Variants in PHF8 observed in about 807,000 individuals in gnomAD.
PHF8 encodes histone lysine demethylase PHF8.
PHF8 carries 9 observed loss-of-function variants against 74.4 expected under a neutral mutation model. The observed-to-expected ratio is 0.12, with a 90% CI of 0.07 to 0.21. The LOEUF is 0.21. Among genes scored for constraint, PHF8 ranks in the 10% least tolerant of loss-of-function variants. The probability of loss-of-function intolerance (pLI) is 1.00; values close to 1 mark genes in which losing one functional copy is unlikely to be tolerated. For missense variants in PHF8, 478 were observed against 816.6 expected, an observed-to-expected ratio of 0.59 and a Z score of 5.05; for synonymous variants, 311 against 316.6, an observed-to-expected ratio of 0.98 and a Z score of 0.19.
At chrX:54,043,236 A>C in intron 1 of PHF8, 3 of 441,106 alleles carry the variant, frequency 6.8e-6, no homozygotes, top group Non-Finnish European at 8.5e-6. Flanking sequence ...GGGGTATCTC[A>C]AGACAAGACC....
In PHF8 at chrX:53,999,895, G is replaced by T; in HGVS notation, c.1208C>A (p.Ala403Asp). Residue 403 changes from alanine to aspartate, a missense_variant, in exon 11 of 22, where the codon GCC becomes GAC. Physicochemically the swap from Ala to Asp is moderately radical, Grantham distance 126 (BLOSUM62 -2). This residue lies in a region of PHF8 where 70 missense variants were observed against 234.1 expected (regional missense o/e 0.30). Coordinates refer to ENST00000338154, the MANE Select transcript of PHF8 (RefSeq NM_015107.3). ...LVHGGKALNL[A>D]FRAWTRKEAL... ...TTCTTTCCTTGTCCAGGCTCTAAAG[G>T]CCAAGTTCAAGGCTTTGCCACCATG... 1 of 1,199,182 alleles carries T rather than the reference G, an allele frequency of 8.3e-7. No individual in the cohort carries two copies. The highest frequency in any genetic ancestry group is 1.1e-6 in the Non-Finnish European group (1 of 884,354).
intron 6 of PHF8, among the ~76,000 whole-genome samples, chrX:54,014,919 A>G (rs1229292504): frequency 1.8e-5 from 2 of 112,044 alleles, no homozygotes; most frequent in African/African-American, 6.5e-5. Context: ...CTTTATGAGA[A>G]ACCACTAGAG....
rs1304800884 is a variant in PHF8 at position 53,940,166 on chromosome X, T to C, written c.2986+14A>G. On this transcript the variant is annotated intron_variant, in intron 21 of 21. Coordinates refer to ENST00000338154, the MANE Select transcript of PHF8 (RefSeq NM_015107.3). The stretch of plus-strand genomic sequence containing the variant: ...CTAAGATCCTTCGGTTCTACAACCA[T>C]ATGGCCGTTGTACCTTGTCCTGCCT... 1 of 1,144,158 alleles carries C rather than the reference T, an allele frequency of 8.7e-7. No homozygotes were observed. Among genetic ancestry groups the C allele is most frequent in the Non-Finnish European group, 1.2e-6 (1 of 851,268 alleles). The allele number at this position is 1,144,158 out of a possible 1,213,427, so 94.3% of individuals were successfully genotyped here. A position where few individuals can be genotyped will look rare whatever the true frequency, so the allele number is the denominator to read the frequency against.
At chrX:54,027,356 T>C (rs2066283312) in intron 2 of PHF8, among the ~76,000 whole-genome samples, 1 of 111,205 alleles carries the variant, frequency 9.0e-6, no homozygotes, top group Non-Finnish European at 1.9e-5. Context: ...GACTCCTCTT[T>C]TGAATAAGTA....
At chrX:53,984,554 G>T (rs2065530717) in intron 18 of PHF8, among the ~76,000 whole-genome samples, 1 of 111,451 alleles carries the variant, frequency 9.0e-6, no homozygotes, top group Non-Finnish European at 1.9e-5. Flanking sequence ...GCCAACGCAG[G>T]ACACAAATGA....
chrX:54,036,833 T>A (rs1235591315), intron 2 of PHF8, among the ~76,000 whole-genome samples: 1 of 107,397 alleles, frequency 9.3e-6, no homozygotes, highest in Non-Finnish European at 1.9e-5. Flanking sequence ...ACCCCATCTC[T>A]ATTAAAAATA....
At chrX:54,035,277 A>C (rs1337813317) in intron 2 of PHF8, among the ~76,000 whole-genome samples, 1 of 107,717 alleles carries the variant, frequency 9.3e-6, no homozygotes, top group Non-Finnish European at 1.9e-5. Flanking sequence ...GAATCGCTTG[A>C]ACCCAGGAGG....
chrX:53,985,300 C>T, intron 17 of PHF8, 73 bp from the exon 18 acceptor site: 2 of 840,329 alleles, frequency 2.4e-6, no homozygotes, highest in South Asian at 4.4e-5. Flanking sequence ...TCAGAATACT[C>T]AGGGAGGAGG....
intron 18 of PHF8, among the ~76,000 whole-genome samples, chrX:53,978,776 C>T (rs906695978): frequency 4.2e-5 from 4 of 94,836 alleles, no homozygotes; most frequent in Admixed American, 2.5e-4. Context: ...CCAGCCCAGG[C>T]GACAGTGCGA....
chrX:53,959,863 C>CAAA (rs782111007), intron 19 of PHF8, among the ~76,000 whole-genome samples: 49 of 23,043 alleles, frequency 2.1e-3, no homozygotes, highest in East Asian at 4.8e-3. Flanking sequence ...GTTTCTGCCT[C>CAAA]AAAAAAAAAA....
chrX:53,994,192 A>T (rs1557102221), intron 12 of PHF8, among the ~76,000 whole-genome samples: 1 of 112,565 alleles, frequency 8.9e-6, no homozygotes, highest in African/African-American at 3.2e-5. Context: ...ATCAAGTACT[A>T]ATCTGTGTGG....
intron 18 of PHF8, among the ~76,000 whole-genome samples, chrX:53,978,797 C>CAAAAAAAAAAAAAAAAAAAAAAAAAA: frequency 2.3e-5 from 1 of 42,880 alleles, no homozygotes; most frequent in Non-Finnish European, 4.9e-5. Flanking sequence ...GGCTCCATCT[C>CAAAAAAAAAAAAAAAAAAAAAAAAAA]AAAAAAAAAA....
Position 53,940,622 on chromosome X carries a change from C to A in PHF8, c.2650-106G>T, listed in dbSNP as rs192495859. 557 of 563,125 alleles carry A rather than the reference C, an allele frequency of 9.9e-4. 3 individuals are homozygous for A. The East Asian group carries it at 0.017, about 18-fold the overall frequency. The allele number at this position is 563,125 out of a possible 1,213,427, so 46.4% of individuals were successfully genotyped here. ...CCAATATGGTTGTGCAACCTGCCAC[C>A]CTCTCCCTTACCTGCACCAAGTCTA... On this transcript the variant is annotated intron_variant, in intron 20 of 21. Coordinates refer to ENST00000338154, the MANE Select transcript of PHF8 (RefSeq NM_015107.3).
chrX:53,996,301 T>C lies in PHF8; in HGVS notation c.1234-519A>G, dbSNP rs187409440. ...GCTAATTTTTTGTGTTTTTAGTAGA[T>C]ACGGGGTTTCACCATGTTGGCCAGG... On this transcript the variant is annotated intron_variant, in intron 11 of 21. Coordinates refer to ENST00000338154, the MANE Select transcript of PHF8 (RefSeq NM_015107.3). Among the ~76,000 whole-genome samples, 32 of 110,047 alleles carry C rather than the reference T, an allele frequency of 2.9e-4. No individual in the cohort carries two copies. In the Admixed American group the frequency reaches 3.1e-3, roughly 11 times the overall value.
chrX:53,995,873 G>T, intron 11 of PHF8, 91 bp from the exon 12 acceptor site: 1 of 490,282 alleles, frequency 2.0e-6, no homozygotes, highest in Non-Finnish European at 3.5e-6. Flanking sequence ...TGGAGAAAGA[G>T]TAGTCTTTTC....
At chrX:54,044,507 C>G, upstream of PHF8, 1 of 600,804 alleles carries the variant, frequency 1.7e-6, no homozygotes, top group Non-Finnish European at 2.0e-6. Flanking sequence ...CCGCGAGCCG[C>G]CGGCTCCCGG....
At chrX:53,963,828 G>A (rs1466231221) in intron 18 of PHF8, among the ~76,000 whole-genome samples, 19 of 111,875 alleles carry the variant, frequency 1.7e-4, no homozygotes, top group Non-Finnish European at 5.6e-5. Context: ...ACAGTGTGGC[G>A]ATTCCTCAGG....
In PHF8 at chrX:53,985,894, T is replaced by C; in HGVS notation, c.2051A>G (p.Asn684Ser). 8.3e-7 allele frequency: 1 copy of C among 1,208,268 alleles called. No homozygotes were observed. The highest frequency in any genetic ancestry group is 3.0e-5 in the East Asian group (1 of 33,777). Reference protein sequence around the residue: ...MVEGVEGKLGNGSGAGGILDL... With the variant: ...MVEGVEGKLGSGSGAGGILDL... ...AAGAATGCCACCAGCGCCACTACCA[T>C]TCCCAAGCTTGCCTTCAACCCCTTC... Residue 684 changes from asparagine to serine, a missense_variant, in exon 17 of 22, where the codon AAT becomes AGT. Around this residue, in one of 9 missense-constraint regions of PHF8, gnomAD observed 45 missense variants for 94.4 expected, o/e 0.48. Transcript: ENST00000338154.
At chrX:53,979,314 G>A (rs1200552953) in intron 18 of PHF8, among the ~76,000 whole-genome samples, 6 of 110,962 alleles carry the variant, frequency 5.4e-5, no homozygotes, top group Non-Finnish European at 7.6e-5. Flanking sequence ...CCGGGGAGGC[G>A]GAGGTTGCAG....
Sources: gnomAD v4.1 joint callset for allele counts (sites outside exome capture counted in the v4.1 genomes callset) on GRCh38, gnomAD v4.1.1 for gene constraint, gnomAD v4.1.1 regional missense constraint, MANE v1.5 for transcripts, NCBI Gene and HGNC (gene_info 2026-07-23, HGNC 2026-07-21) for gene names.